The following TNN variants were observed in gnomAD, a reference collection of about 807,000 sequenced individuals.
The protein encoded by TNN is tenascin-N.
A neutral mutation model predicts 134.4 loss-of-function variants in TNN; 122 were observed. That is an observed-to-expected ratio of 0.91 (90% confidence interval 0.78 to 1.06). The LOEUF (loss-of-function observed/expected upper bound fraction) is 1.06. Among genes scored for constraint, TNN ranks in the 50% least tolerant of loss-of-function variants. TNN has a pLI of 0.00. For synonymous variants in TNN, 710 were observed against 670.3 expected, an observed-to-expected ratio of 1.06 and a Z score of -0.91; for missense variants, 1,739 against 1,699.4, an observed-to-expected ratio of 1.02 and a Z score of -0.41.
intron 11 of TNN, among the ~76,000 whole-genome samples, chr1:175,120,520 G>A (rs114308940): frequency 0.012 from 1,854 of 152,278 alleles, 42 homozygotes; most frequent in African/African-American, 0.042. Flanking sequence ...TGTGATTGTT[G>A]CTTAGTCATC....
In TNN at chr1:175,098,478, A is replaced by C; in HGVS notation, c.2002A>C (p.Lys668Gln). The change falls in exon 9 of 19, where the codon AAG becomes CAG. Residue 668 changes from lysine to glutamine, a missense_variant. Physicochemically the swap from Lys to Gln is moderately conservative, Grantham distance 53. Coordinates refer to ENST00000239462, the MANE Select transcript of TNN (RefSeq NM_022093.2). Reference sequence around the variant, plus strand: ...AGAGACCAGGGAGGTTCCGGTGGGGAAGGAGCAGAGCAGCACAGTCCTGAC... The same window carrying C: ...AGAGACCAGGGAGGTTCCGGTGGGGCAGGAGCAGAGCAGCACAGTCCTGAC... ...GGETREVPVG[K>Q]EQSSTVLTGL... 2 of 1,614,098 alleles carry C rather than the reference A, an allele frequency of 1.2e-6. No homozygotes were observed.
At chr1:175,124,866 C>T (rs1453341623) in intron 12 of TNN, among the ~76,000 whole-genome samples, 1 of 152,164 alleles carries the variant, frequency 6.6e-6, no homozygotes, top group Non-Finnish European at 1.5e-5. Flanking sequence ...TTCTTCTCCT[C>T]TTCCTTGTTT....
rs758603769 is a variant in TNN at position 175,128,054 on chromosome 1, A to G, written c.3068A>G (p.Asp1023Gly). Residue 1023 changes from aspartate (D) to glycine (G), a missense_variant, in exon 14 of 19, where the codon GAC becomes GGC. Coordinates refer to ENST00000239462, the MANE Select transcript of TNN (RefSeq NM_022093.2). ...TAGGAGATGCAGCTGGGACGGGAAG[A>G]CCAGAGGTTTGCGTTGCAAGGCCTT... ...TVKEMQLGRE[D>G]QRFALQGLEQ... 4.3e-6 allele frequency: 7 copies of G among 1,614,144 alleles called. No individual in the cohort carries two copies. The highest frequency in any genetic ancestry group is 5.9e-6 in the Non-Finnish European group (7 of 1,180,020).
chr1:175,077,875 T>A (rs1472562993), intron 2 of TNN, 48 bp downstream of exon 2: 1 of 1,558,464 alleles, frequency 6.4e-7, no homozygotes, highest in African/African-American at 1.4e-5. Flanking sequence ...GATGAGCACC[T>A]ATTATGTGCC....
intron 12 of TNN, among the ~76,000 whole-genome samples, chr1:175,125,727 TTCTTTCTTTCTTTCTTTCTTTC>T (rs1675501635): frequency 2.0e-5 from 2 of 100,186 alleles, no homozygotes; most frequent in South Asian, 3.7e-4. Flanking sequence ...CTTTCTTTCT[TTCTTTCTTTCTTTCTTTCTTTC>T]TTTCTTTCTC....
At chr1:175,125,418 T>G (rs1404019380) in intron 12 of TNN, among the ~76,000 whole-genome samples, 1 of 152,066 alleles carries the variant, frequency 6.6e-6, no homozygotes. Flanking sequence ...TTGCTGAGCT[T>G]CTGTTTTCCT....
intron 9 of TNN, among the ~76,000 whole-genome samples, chr1:175,105,772 A>G (rs1295342866): frequency 6.9e-6 from 1 of 144,810 alleles, no homozygotes; most frequent in Non-Finnish European, 1.5e-5. Context: ...TCAAGGGTGA[A>G]CCTGTTGATG....
chr1:175,071,778 T>C (rs747135161), intron 1 of TNN, among the ~76,000 whole-genome samples: 7 of 152,210 alleles, frequency 4.6e-5, no homozygotes, highest in Non-Finnish European at 8.8e-5. Flanking sequence ...TGATATCAAC[T>C]GACTCCCAGG....
At chr1:175,099,430 AG>A (rs1396636378) in intron 9 of TNN, among the ~76,000 whole-genome samples, 1 of 136,148 alleles carries the variant, frequency 7.3e-6, no homozygotes, top group African/African-American at 2.8e-5. Context: ...AAGGGGTCAG[AG>A]GAGGAGAAGT....
At chr1:175,145,800 C>T (rs1408936755) in intron 18 of TNN, among the ~76,000 whole-genome samples, 1 of 152,052 alleles carries the variant, frequency 6.6e-6, no homozygotes, top group East Asian at 1.9e-4. Context: ...TGCCCCAGTG[C>T]ATCATCCTGA....
chr1:175,112,104 T>A (rs770454482), intron 9 of TNN, among the ~76,000 whole-genome samples: 2 of 152,214 alleles, frequency 1.3e-5, no homozygotes, highest in Non-Finnish European at 2.9e-5. Flanking sequence ...TTTTCCCCAA[T>A]CAGTGTATTG....
At chr1:175,069,737 G>C (rs991709826) in intron 1 of TNN, among the ~76,000 whole-genome samples, 1 of 152,198 alleles carries the variant, frequency 6.6e-6, no homozygotes, top group Non-Finnish European at 1.5e-5. Flanking sequence ...GGATGGACAG[G>C]GACTTTGCTG....
chr1:175,090,138 A>G (rs181751349), intron 6 of TNN, among the ~76,000 whole-genome samples: 6 of 152,342 alleles, frequency 3.9e-5, no homozygotes, highest in African/African-American at 1.2e-4. Context: ...CATTTTACAT[A>G]TGAGAACACT....
At chr1:175,125,756 T>A in intron 12 of TNN, among the ~76,000 whole-genome samples, 1 of 141,020 alleles carries the variant, frequency 7.1e-6, no homozygotes, top group African/African-American at 2.7e-5. Flanking sequence ...TTTCTTTCTT[T>A]CTCTCTCTCT....
At chr1:175,127,711 G>A (rs1203108938) in intron 13 of TNN, among the ~76,000 whole-genome samples, 1 of 152,194 alleles carries the variant, frequency 6.6e-6, no homozygotes, top group Non-Finnish European at 1.5e-5. Context: ...TGCTGGCAAT[G>A]TAGCCACTAT....
At chr1:175,073,380 C>T (rs1673963662) in intron 1 of TNN, among the ~76,000 whole-genome samples, 1 of 152,148 alleles carries the variant, frequency 6.6e-6, no homozygotes, top group African/African-American at 2.4e-5. Context: ...TTATCCTACA[C>T]CTGCCTTCCA....
chr1:175,097,089 TAGA>T (rs1489835933), intron 7 of TNN, among the ~76,000 whole-genome samples: 1 of 152,244 alleles, frequency 6.6e-6, no homozygotes, highest in Non-Finnish European at 1.5e-5. Context: ...AGTCAGGAAC[TAGA>T]AGAATATGTT....
At chr1:175,102,172 C>T (rs969656682) in intron 9 of TNN, among the ~76,000 whole-genome samples, 6 of 146,042 alleles carry the variant, frequency 4.1e-5, no homozygotes, top group African/African-American at 1.5e-4. Context: ...GGTGTGTTTA[C>T]AATCCCTGAG....
intron 9 of TNN, among the ~76,000 whole-genome samples, chr1:175,110,522 C>T (rs1674992259): frequency 6.6e-6 from 1 of 152,144 alleles, no homozygotes; most frequent in Non-Finnish European, 1.5e-5. Flanking sequence ...ATTCTTTAAT[C>T]CACTTTAATT....
Sources: allele counts gnomAD v4.1 joint callset (sites outside exome capture counted in the v4.1 genomes callset), GRCh38; gene constraint gnomAD v4.1.1; transcripts MANE v1.5; gene names NCBI Gene and HGNC (gene_info 2026-07-23, HGNC 2026-07-21).